Variants in CLVS2 observed in about 807,000 individuals in gnomAD.
CLVS2 encodes the protein clavesin 2.
In CLVS2, 19 loss-of-function variants were observed where a neutral mutation model predicts 29.0. The ratio of observed to expected loss-of-function variants is 0.66; its 90% CI spans 0.46 to 0.96. CLVS2 has a LOEUF of 0.96. CLVS2 is among the 40% of genes least tolerant of loss of function. The probability of loss-of-function intolerance (pLI) is 0.00; values close to 1 mark genes in which losing one functional copy is unlikely to be tolerated. For missense variants in CLVS2, 294 were observed against 404.1 expected (o/e 0.73, Z 2.34); for synonymous variants, 161 against 151.3 (o/e 1.06, Z -0.47).
At chr6:123,011,241 T>C in intron 3 of CLVS2, 82 bp downstream of exon 3, 1 of 1,101,032 alleles carries the variant, frequency 9.1e-7, no homozygotes, top group Non-Finnish European at 1.3e-6. Flanking sequence ...AAAAATGTCT[T>C]ACTTACAGAA....
chr6:123,011,085 T>A lies in CLVS2; in HGVS notation c.490T>A (p.Trp164Arg). ...QVNGFVLIID[W>R]SNFTFKQASK... Reference sequence around the variant, plus strand: ...GAATGGGTTTGTTTTGATCATAGACTGGAGTAACTTCACTTTCAAGCAAGC... The same window carrying A: ...GAATGGGTTTGTTTTGATCATAGACAGGAGTAACTTCACTTTCAAGCAAGC... The change falls in exon 3 of 6, where the codon TGG becomes AGG. Residue 164 changes from tryptophan to arginine, a missense_variant. Around this residue, in one of 2 missense-constraint regions of CLVS2, gnomAD observed 212 missense variants for 336.4 expected, o/e 0.63. Coordinates refer to ENST00000275162, the MANE Select transcript of CLVS2 (RefSeq NM_001010852.4). 1 of 1,611,914 alleles carries A rather than the reference T, an allele frequency of 6.2e-7. No individual in the cohort carries two copies. Among genetic ancestry groups the A allele is most frequent in the Non-Finnish European group, 8.5e-7 (1 of 1,178,752 alleles).
At position 123,064,654 on chromosome 6, in the gene CLVS2, G is replaced by A. The variant is rs1299927111; in HGVS notation, c.*893G>A. On this transcript the variant is annotated 3_prime_UTR_variant, in exon 6 of 6. Transcript: ENST00000275162. ...GATGAGGGGCTAATTTCTAATTGTT[G>A]TGCACTGGTTAAAAAGTATATATAT... 6.6e-6 allele frequency: 1 copy of A among 151,148 alleles called. No homozygotes were observed. The highest frequency in any genetic ancestry group is 1.5e-5 in the Non-Finnish European group (1 of 67,786). 9.4% of individuals were successfully genotyped at this position (151,148 alleles called of 1,614,324 possible).
intron 3 of CLVS2, among the ~76,000 whole-genome samples, chr6:123,024,819 C>T (rs1206521393): frequency 6.6e-6 from 1 of 152,050 alleles, no homozygotes; most frequent in African/African-American, 2.4e-5. Context: ...CTTGGAATGG[C>T]AGCATAGGGG....
chr6:122,998,179 T>G lies in CLVS2; in HGVS notation c.389+13T>G. 1 of 1,604,024 alleles carries G rather than the reference T, an allele frequency of 6.2e-7. No individual in the cohort carries two copies. Among genetic ancestry groups the G allele is most frequent in the Non-Finnish European group, 8.5e-7 (1 of 1,178,290 alleles). On this transcript the variant is annotated intron_variant, in intron 2 of 5. Transcript: ENST00000275162. Reference sequence around the variant, plus strand: ...GGGATCAGAGCAGGTAAATCCTAAATCCAAACTTGTATTCTCCTTTTACTC... The same window carrying G: ...GGGATCAGAGCAGGTAAATCCTAAAGCCAAACTTGTATTCTCCTTTTACTC...
chr6:123,055,729 C>T (rs1772684342), intron 4 of CLVS2, 77 bp from the exon 5 acceptor site: 9 of 1,031,594 alleles, frequency 8.7e-6, no homozygotes, highest in South Asian at 6.6e-5. Flanking sequence ...GCTATCCTCA[C>T]ATCCCCCCTG....
In CLVS2 at chr6:123,069,788, A is replaced by T. The variant is rs1423733530; in HGVS notation, c.*6027A>T. The T allele has an allele frequency of 2.0e-5, 3 of 151,870 alleles. No homozygotes were observed. The highest frequency in any genetic ancestry group is 2.0e-4 in the Admixed American group (3 of 15,196). The allele number at this position is 151,870 out of a possible 1,614,324, so 9.4% of individuals were successfully genotyped here. On this transcript the variant is annotated 3_prime_UTR_variant, in exon 6 of 6. Transcript: ENST00000275162. ...AAGAGGCCATGGGGAAGTGATGGTC[A>T]AATCTCTGTTGTGAAGCAAGTTTCC...
Position 123,064,459 on chromosome 6 carries a change from C to A in CLVS2, c.*698C>A, listed in dbSNP as rs751152668. On this transcript the variant is annotated 3_prime_UTR_variant, in exon 6 of 6. Coordinates refer to ENST00000275162, the MANE Select transcript of CLVS2 (RefSeq NM_001010852.4). ...GTAGAAATGTAAAAAAGAGTGGATT[C>A]TTTTTAAATTGCTGTCTTCACAATG... 1 of 151,850 alleles carries A rather than the reference C, an allele frequency of 6.6e-6. No individual in the cohort carries two copies. Among genetic ancestry groups the A allele is most frequent in the Non-Finnish European group, 1.5e-5 (1 of 67,828 alleles). 9.4% of individuals were successfully genotyped at this position (151,850 alleles called of 1,614,324 possible).
chr6:123,053,776 T>C (rs1264291752), intron 4 of CLVS2, among the ~76,000 whole-genome samples: 2 of 152,038 alleles, frequency 1.3e-5, no homozygotes, highest in African/African-American at 2.4e-5. Context: ...CTTTCTCTGA[T>C]GGGAAAGATC....
intron 3 of CLVS2, among the ~76,000 whole-genome samples, chr6:123,040,883 G>GT (rs1192004588): frequency 6.6e-6 from 1 of 152,124 alleles, no homozygotes; most frequent in East Asian, 1.9e-4. Context: ...TATTCATACA[G>GT]TTTTTTTCAG....
Position 123,067,583 on chromosome 6 carries a change from A to G in CLVS2, c.*3822A>G, listed in dbSNP as rs1772881645. On this transcript the variant is annotated 3_prime_UTR_variant, in exon 6 of 6. Transcript: ENST00000275162. ...ACACTTCAAAAATTTTCAACACACT[A>G]AATAAAATGAGCAGAGCTCTAGCAT... 6.6e-6 allele frequency: 1 copy of G among 151,772 alleles called. No individual in the cohort carries two copies. Among genetic ancestry groups the G allele is most frequent in the Non-Finnish European group, 1.5e-5 (1 of 67,740 alleles). The allele number at this position is 151,772 out of a possible 1,614,324, so 9.4% of individuals were successfully genotyped here.
At chr6:123,062,774 C>T (rs1772796840) in intron 5 of CLVS2, among the ~76,000 whole-genome samples, 1 of 152,098 alleles carries the variant, frequency 6.6e-6, no homozygotes, top group Non-Finnish European at 1.5e-5. Flanking sequence ...GGCATATTGC[C>T]ACAGCAAAAG....
At chr6:123,022,263 G>A (rs974836072) in intron 3 of CLVS2, among the ~76,000 whole-genome samples, 1 of 152,052 alleles carries the variant, frequency 6.6e-6, no homozygotes, top group African/African-American at 2.4e-5. Context: ...CAAACTGTCT[G>A]ATTTACTAAT....
intron 2 of CLVS2, among the ~76,000 whole-genome samples, chr6:122,998,868 A>G (rs1418765769): frequency 3.3e-5 from 5 of 149,988 alleles, no homozygotes; most frequent in Non-Finnish European, 7.5e-5. Context: ...CATCTTTTGG[A>G]AGGAAGTGGA....
intron 3 of CLVS2, among the ~76,000 whole-genome samples, chr6:123,038,495 TG>T (rs1775185419): frequency 6.6e-6 from 1 of 152,166 alleles, no homozygotes; most frequent in African/African-American, 2.4e-5. Flanking sequence ...TATTTGTAAA[TG>T]TGTATACATG....
In CLVS2 at chr6:123,067,060, G is replaced by C. The variant is rs1386173408; in HGVS notation, c.*3299G>C. On this transcript the variant is annotated 3_prime_UTR_variant, in exon 6 of 6. Transcript: ENST00000275162. ...AATGGTTTGCATAAGTGTAGACAGA[G>C]ATATTTCCTAAGTTTTTTCATATAG... 6.6e-6 allele frequency: 1 copy of C among 151,724 alleles called. No individual in the cohort carries two copies. The highest frequency in any genetic ancestry group is 6.6e-5 in the Admixed American group (1 of 15,170). The allele number at this position is 151,724 out of a possible 1,614,324, so 9.4% of individuals were successfully genotyped here.
At position 123,053,076 on chromosome 6, in the gene CLVS2, GT is replaced by G. The variant is rs1213274887; in HGVS notation, c.676-2729del. On this transcript the variant is annotated intron_variant, in intron 4 of 5. Transcript: ENST00000275162. Reference sequence around the variant, plus strand: ...TATTAGGAAAATCAGGCCAGGCGCAGTGGCTCGCGCCTGTAATCCCAGCACT... The same window carrying G: ...TATTAGGAAAATCAGGCCAGGCGCAGGGCTCGCGCCTGTAATCCCAGCACT... Among the ~76,000 whole-genome samples, 2 of 134,172 alleles carry G rather than the reference GT, an allele frequency of 1.5e-5. 1 individual carries two copies. Among genetic ancestry groups the G allele is most frequent in the African/African-American group, 6.0e-5 (2 of 33,358 alleles). 88.0% of individuals were successfully genotyped at this position (134,172 alleles called of 152,430 possible).
intron 3 of CLVS2, among the ~76,000 whole-genome samples, chr6:123,028,752 A>G (rs978292929): frequency 3.9e-5 from 6 of 152,072 alleles, no homozygotes; most frequent in Admixed American, 3.9e-4. Flanking sequence ...ATTCATTTTT[A>G]TATTTTTTTC....
chr6:123,029,640 A>T (rs1290075191), intron 3 of CLVS2, among the ~76,000 whole-genome samples: 6 of 152,170 alleles, frequency 3.9e-5, no homozygotes, highest in Non-Finnish European at 8.8e-5. Flanking sequence ...TGTAAAAAAA[A>T]ATAAGTTTTT....
At chr6:123,060,279 T>G (rs1275830786) in intron 5 of CLVS2, among the ~76,000 whole-genome samples, 1 of 152,230 alleles carries the variant, frequency 6.6e-6, no homozygotes, top group African/African-American at 2.4e-5. Context: ...TAGTCATGTG[T>G]AAATATGCAA....
Sources: gnomAD v4.1 joint callset for allele counts (sites outside exome capture counted in the v4.1 genomes callset) on GRCh38, gnomAD v4.1.1 for gene constraint, gnomAD v4.1.1 regional missense constraint, MANE v1.5 for transcripts, NCBI Gene and HGNC (gene_info 2026-07-23, HGNC 2026-07-21) for gene names.